The following REC114 variants were observed in gnomAD, a reference collection of about 807,000 sequenced individuals.
The protein encoded by REC114 is meiotic recombination protein REC114.
In REC114, 27 loss-of-function variants were observed where a neutral mutation model predicts 31.3. The observed-to-expected ratio is 0.86, with a 90% CI of 0.64 to 1.19. The LOEUF (loss-of-function observed/expected upper bound fraction) is 1.19, where lower values mean the gene tolerates loss of function less well. REC114 is among the 50% of genes most tolerant of loss of function. REC114 has a pLI of 0.00. For missense variants in REC114, 344 were observed against 326.9 expected (o/e 1.05, Z -0.40); for synonymous variants, 134 against 127.7 (o/e 1.05, Z -0.33).
At chr15:73,523,922 T>C (rs1411503572) in intron 2 of REC114, among the ~76,000 whole-genome samples, 1 of 152,208 alleles carries the variant, frequency 6.6e-6, no homozygotes, top group Non-Finnish European at 1.5e-5. Context: ...AATTTGATTG[T>C]CCCAGCACCA....
chr15:73,501,544 AAG>A (rs767121911), intron 2 of REC114, among the ~76,000 whole-genome samples: 3 of 152,296 alleles, frequency 2.0e-5, no homozygotes, highest in African/African-American at 4.8e-5. Flanking sequence ...TCCCAGGTTC[AAG>A]AGAGTCTCAT....
intron 2 of REC114, among the ~76,000 whole-genome samples, chr15:73,519,321 G>A (rs1490242014): frequency 2.6e-5 from 4 of 152,176 alleles, no homozygotes; most frequent in Admixed American, 2.0e-4. Context: ...ATGAGAAAAT[G>A]TCATCTTTCA....
At chr15:73,448,503 G>A (rs1024889569) in intron 1 of REC114, among the ~76,000 whole-genome samples, 2 of 152,186 alleles carry the variant, frequency 1.3e-5, no homozygotes, top group Non-Finnish European at 2.9e-5. Flanking sequence ...CCCAGTCAGG[G>A]ACTTATAGAT....
At chr15:73,495,450 C>T (rs1017568991) in intron 2 of REC114, among the ~76,000 whole-genome samples, 1 of 150,266 alleles carries the variant, frequency 6.7e-6, no homozygotes, top group Non-Finnish European at 1.5e-5. Flanking sequence ...TCCTCAGTGT[C>T]GTAACCCAAA....
At chr15:73,461,838 A>G (rs1346824679) in intron 1 of REC114, among the ~76,000 whole-genome samples, 2 of 147,420 alleles carry the variant, frequency 1.4e-5, no homozygotes, top group South Asian at 2.2e-4. Context: ...AACTTTATGT[A>G]TGTTCTCTGT....
rs575923298 is a variant in REC114, at chr15:73,523,470, A to G, written c.250-17015A>G. ...AGTCTGGCCGCTGGGACTGGCCAAG[A>G]CTTAGCTATTGTTACAGGTGCATAC... On this transcript the variant is annotated intron_variant, in intron 2 of 5. Transcript: ENST00000331090. Among the ~76,000 whole-genome samples, 18 of 152,334 alleles carry G rather than the reference A, an allele frequency of 1.2e-4. No homozygotes were observed. In the South Asian group the frequency reaches 1.7e-3, roughly 14 times the overall value.
chr15:73,548,012 A>T (rs1232184632), intron 3 of REC114, among the ~76,000 whole-genome samples: 4 of 152,116 alleles, frequency 2.6e-5, no homozygotes, highest in African/African-American at 9.7e-5. Flanking sequence ...TTTGCAAACT[A>T]TGCATATGAC....
intron 2 of REC114, among the ~76,000 whole-genome samples, chr15:73,481,771 AC>A (rs1266845298): frequency 1.4e-5 from 2 of 143,434 alleles, no homozygotes; most frequent in African/African-American, 5.2e-5. Context: ...CAATTCTCCT[AC>A]CTCAGCCTCC....
intron 2 of REC114, among the ~76,000 whole-genome samples, chr15:73,508,716 T>C (rs1268990283): frequency 2.0e-5 from 3 of 149,768 alleles, no homozygotes; most frequent in African/African-American, 7.4e-5. Context: ...GTTCTTGCGA[T>C]AGTTTACTGA....
At chr15:73,482,554 T>C (rs1187824118) in intron 2 of REC114, among the ~76,000 whole-genome samples, 1 of 152,208 alleles carries the variant, frequency 6.6e-6, no homozygotes, top group Non-Finnish European at 1.5e-5. Context: ...TATTCCTTTA[T>C]AGCAATGTAA....
At chr15:73,490,198 T>C (rs904865456) in intron 2 of REC114, among the ~76,000 whole-genome samples, 1 of 152,226 alleles carries the variant, frequency 6.6e-6, no homozygotes, top group Non-Finnish European at 1.5e-5. Context: ...AGTGCTCAGA[T>C]GTCCATGAAA....
At chr15:73,513,760 G>T (rs1321872426) in intron 2 of REC114, among the ~76,000 whole-genome samples, 1 of 150,244 alleles carries the variant, frequency 6.7e-6, no homozygotes, top group Non-Finnish European at 1.5e-5. Context: ...GCTGCTCGGG[G>T]GTCAGGGGTC....
chr15:73,513,093 A>T (rs1893798295), intron 2 of REC114, among the ~76,000 whole-genome samples: 1 of 147,540 alleles, frequency 6.8e-6, no homozygotes, highest in South Asian at 2.2e-4. Context: ...AATCAGACGT[A>T]GATTTGGTCT....
At chr15:73,499,694 A>T (rs975042949) in intron 2 of REC114, among the ~76,000 whole-genome samples, 2 of 152,166 alleles carry the variant, frequency 1.3e-5, no homozygotes, top group African/African-American at 4.8e-5. Context: ...GCCTTAGAAT[A>T]AAACCAGGCT....
At chr15:73,514,634 G>A (rs946097809) in intron 2 of REC114, among the ~76,000 whole-genome samples, 2 of 152,056 alleles carry the variant, frequency 1.3e-5, no homozygotes, top group Non-Finnish European at 2.9e-5. Flanking sequence ...TTAAAGTAAT[G>A]GTTTTTACAA....
intron 2 of REC114, among the ~76,000 whole-genome samples, chr15:73,512,919 T>G (rs1893794333): frequency 6.6e-6 from 1 of 151,806 alleles, no homozygotes; most frequent in Non-Finnish European, 1.5e-5. Flanking sequence ...GACAATTATG[T>G]GCCTTGGAGT....
intron 1 of REC114, among the ~76,000 whole-genome samples, chr15:73,455,591 A>C (rs972843318): frequency 6.6e-6 from 1 of 152,182 alleles, no homozygotes; most frequent in African/African-American, 2.4e-5. Flanking sequence ...TCTGAGACAG[A>C]AAGAATGTTA....
In REC114 at chr15:73,510,285, C is replaced by T. The variant is rs373717077; in HGVS notation, c.250-30200C>T. ...TAAGAATGCTTGTGATTTTTGCACA[C>T]TGATTTTGTATCCTGAGACTTTGCT... On this transcript the variant is annotated intron_variant, in intron 2 of 5. Transcript: ENST00000331090. Among the ~76,000 whole-genome samples, 838 of 152,256 alleles carry T rather than the reference C, an allele frequency of 5.5e-3. 2 individuals carry two copies. Among genetic ancestry groups the T allele is most frequent in the African/African-American group, 0.019 (798 of 41,528 alleles).
chr15:73,475,097 C>G (rs1275910400), intron 2 of REC114, among the ~76,000 whole-genome samples: 1 of 152,152 alleles, frequency 6.6e-6, no homozygotes, highest in Admixed American at 6.5e-5. Flanking sequence ...CTGCCAATAT[C>G]ATGGGTCTTT....
Sources: gnomAD v4.1 joint callset for allele counts (sites outside exome capture counted in the v4.1 genomes callset) on GRCh38, gnomAD v4.1.1 for gene constraint, MANE v1.5 for transcripts, NCBI Gene and HGNC (gene_info 2026-07-23, HGNC 2026-07-21) for gene names.